TARBP1: variants seen among roughly 807,000 people sequenced by gnomAD.
The protein encoded by TARBP1 is tRNA guanosine 2 -O-methyltransferase TARBP1.
In TARBP1, 144 loss-of-function variants were observed where a neutral mutation model predicts 178.6. That is an observed-to-expected ratio of 0.81 (90% CI 0.70 to 0.93). TARBP1 has a LOEUF of 0.93. Among genes scored for constraint, TARBP1 ranks in the 40% least tolerant of loss-of-function variants. TARBP1 has a pLI of 0.00. For synonymous variants in TARBP1, 787 were observed against 781.0 expected (o/e 1.01, Z -0.13); for missense variants, 2,067 against 2,011.7 (o/e 1.03, Z -0.53).
Position 234,479,024 on chromosome 1 carries a change from T to C in TARBP1, c.80A>G (p.Glu27Gly). ...RALLGALCQG[E>G]ASAERVETLR... ...CGTCTCCACGCGCTCCGCGGATGCC[T>C]CCCCTTGGCACAGCGCCCCAAGCAG... is the stretch of plus-strand genomic sequence containing the variant. Residue 27 changes from glutamate (E) to glycine (G), a missense_variant, in exon 1 of 30, where the codon GAG becomes GGG. By Grantham distance (98) the Glu-to-Gly change is moderately conservative. Coordinates refer to ENST00000040877, the MANE Select transcript of TARBP1 (RefSeq NM_005646.4). 1 of 1,527,346 alleles carries C rather than the reference T, an allele frequency of 6.5e-7. No homozygotes were observed. Among genetic ancestry groups the C allele is most frequent in the Admixed American group, 2.0e-5 (1 of 49,918 alleles). The allele number at this position is 1,527,346 out of a possible 1,614,324, so 94.6% of individuals were successfully genotyped here.
At chr1:234,467,852 G>A (rs1281538162) in intron 3 of TARBP1, among the ~76,000 whole-genome samples, 7 of 152,106 alleles carry the variant, frequency 4.6e-5, no homozygotes, top group Non-Finnish European at 7.4e-5. Flanking sequence ...GCTCACTGCA[G>A]CCTCAAACTC....
chr1:234,406,655 AT>A (rs1273435824), intron 23 of TARBP1: 1 of 152,372 alleles, frequency 6.6e-6, no homozygotes. Context: ...GAGGGGGAAA[AT>A]AATAAAACTG....
chr1:234,395,701 G>A (rs1470192645), intron 26 of TARBP1, among the ~76,000 whole-genome samples: 1 of 152,218 alleles, frequency 6.6e-6, no homozygotes, highest in Admixed American at 6.5e-5. Flanking sequence ...TACACAGGCG[G>A]TGGTTTCAAG....
chr1:234,413,404 G>A (rs1662069373), intron 22 of TARBP1, among the ~76,000 whole-genome samples: 1 of 152,188 alleles, frequency 6.6e-6, no homozygotes, highest in Admixed American at 6.5e-5. Context: ...AACCCGGGAG[G>A]CAGAGGTTGC....
Position 234,410,445 on chromosome 1 carries a change from C to CA in TARBP1, c.3791_3792insT (p.Lys1264AsnfsTer22), listed in dbSNP as rs1661686773. 6.9e-7 allele frequency: 1 copy of CA among 1,453,508 alleles called. No homozygotes were observed. The highest frequency in any genetic ancestry group is 1.4e-5 in the African/African-American group (1 of 70,648). The allele number at this position is 1,453,508 out of a possible 1,614,324, so 90.0% of individuals were successfully genotyped here. On this transcript the variant is annotated frameshift_variant and splice_region_variant, in exon 23 of 30. Coordinates refer to ENST00000040877, the MANE Select transcript of TARBP1 (RefSeq NM_005646.4). LOFTEE classifies it high-confidence loss of function. ...TTTAAATTCTTACAAACAAACTTACCTTTTCTGGAATATTTTGAGTAATAA... is the reference window on the plus strand; with the variant it reads ...TTTAAATTCTTACAAACAAACTTACCATTTTCTGGAATATTTTGAGTAATAA...
chr1:234,471,309 T>C (rs1558259788), intron 2 of TARBP1, 52 bp from the exon 3 acceptor site: 6 of 1,228,018 alleles, frequency 4.9e-6, no homozygotes, highest in African/African-American at 1.5e-5. Context: ...TCTTGAAAAA[T>C]GTCAGGCAAT....
rs368279161 is a variant in TARBP1, at chr1:234,450,385, A to G, written c.1861+43T>C. 1.1e-5 allele frequency: 17 copies of G among 1,490,330 alleles called. No individual in the cohort carries two copies. The African/African-American group carries it at 1.3e-4, about 11-fold the overall frequency. 92.3% of individuals were successfully genotyped at this position (1,490,330 alleles called of 1,614,324 possible). ...AAAACTAGTTAAAAGTTCTTTGAAA[A>G]TATTTTGGTTATATCAATCCATAAA... On this transcript the variant is annotated intron_variant, in intron 10 of 29. Coordinates refer to ENST00000040877, the MANE Select transcript of TARBP1 (RefSeq NM_005646.4).
At chr1:234,409,023 GAA>G (rs1572233630) in intron 23 of TARBP1, among the ~76,000 whole-genome samples, 1 of 152,282 alleles carries the variant, frequency 6.6e-6, no homozygotes, top group East Asian at 1.9e-4. Flanking sequence ...GAAGAAAATG[GAA>G]AGTCTTAAGT....
chr1:234,399,018 G>A (rs532244267), intron 25 of TARBP1, among the ~76,000 whole-genome samples: 10 of 152,296 alleles, frequency 6.6e-5, no homozygotes, highest in African/African-American at 2.2e-4. Flanking sequence ...GTTATGTGAC[G>A]TTAGGCAAGT....
At chr1:234,431,473 G>A (rs974121587) in intron 14 of TARBP1, among the ~76,000 whole-genome samples, 17 of 152,142 alleles carry the variant, frequency 1.1e-4, no homozygotes, top group South Asian at 2.1e-4. Context: ...ATTAATCATC[G>A]TCTTTATCAT....
intron 22 of TARBP1, among the ~76,000 whole-genome samples, chr1:234,417,244 A>G (rs923239966): frequency 7.2e-5 from 11 of 152,218 alleles, no homozygotes; most frequent in Admixed American, 5.9e-4. Context: ...AAAGGAAGAC[A>G]CTGGATGATA....
In TARBP1 at chr1:234,451,766, A is replaced by AAAAAAACAAAAAAAC. The variant is rs57636903; in HGVS notation, c.1723-1201_1723-1200insGTTTTTTTGTTTTTT. The stretch of plus-strand genomic sequence containing the variant: ...TCCGTCTCAAAAAAAAAAAAAAAAA[A>AAAAAAACAAAAAAAC]TGATGAATGACTGGATCATCGAAGT... On this transcript the variant is annotated intron_variant, in intron 9 of 29. Transcript: ENST00000040877. 1.1e-3 allele frequency among the ~76,000 whole-genome samples: 19 copies of AAAAAAACAAAAAAAC among 17,166 alleles called. 1 individual carries two copies. The South Asian group carries it at 0.019, about 17-fold the overall frequency. 11.3% of individuals were successfully genotyped at this position (17,166 alleles called of 152,430 possible).
At chr1:234,457,576 T>A in intron 9 of TARBP1, 91 bp downstream of exon 9, 1 of 799,976 alleles carries the variant, frequency 1.3e-6, no homozygotes, top group Non-Finnish European at 1.9e-6. Context: ...AAGCAATCAT[T>A]ATATTTTATA....
chr1:234,405,024 A>G (rs1307337059), intron 24 of TARBP1, among the ~76,000 whole-genome samples: 1 of 152,150 alleles, frequency 6.6e-6, no homozygotes, highest in Non-Finnish European at 1.5e-5. Flanking sequence ...TATTTGTACC[A>G]TGTACAAATA....
At chr1:234,462,984 C>T (rs1452906208) in intron 6 of TARBP1, among the ~76,000 whole-genome samples, 1 of 152,222 alleles carries the variant, frequency 6.6e-6, no homozygotes, top group Non-Finnish European at 1.5e-5. Context: ...CAGAGTAGGT[C>T]CTGCTGCTGC....
rs754678511 is a variant in TARBP1, at chr1:234,448,525, A to T, written c.1916T>A (p.Met639Lys). 17 of 1,614,118 alleles carry T rather than the reference A, an allele frequency of 1.1e-5. No individual in the cohort carries two copies. The highest frequency in any genetic ancestry group is 1.3e-5 in the Non-Finnish European group (15 of 1,180,016). Reference sequence around the variant, plus strand: ...TTCCACATCCACAGCCAGCAAGACCATCAGAGAAACAAGCTTGGCTTCAAA... The same window carrying T: ...TTCCACATCCACAGCCAGCAAGACCTTCAGAGAAACAAGCTTGGCTTCAAA... ...DWFEAKLVSL[M>K]VLLAVDVEGM... The change falls in exon 11 of 30, where the codon ATG becomes AAG. Residue 639 changes from methionine to lysine, a missense_variant. Coordinates refer to ENST00000040877, the MANE Select transcript of TARBP1 (RefSeq NM_005646.4).
intron 17 of TARBP1, among the ~76,000 whole-genome samples, chr1:234,428,384 GCCTGA>G (rs1664016377): frequency 1.3e-5 from 2 of 152,044 alleles, no homozygotes; most frequent in Non-Finnish European, 1.5e-5. Context: ...GACAAATGGC[GCCTGA>G]CATTTGCCTT....
At chr1:234,453,271 G>A (rs866988458) in intron 9 of TARBP1, among the ~76,000 whole-genome samples, 1 of 151,114 alleles carries the variant, frequency 6.6e-6, no homozygotes, top group Non-Finnish European at 1.5e-5. Context: ...GAAACTGTGT[G>A]TAGGGACAGG....
rs1461782020 is a variant in TARBP1, at chr1:234,475,917, G to A, written c.931+2256C>T. ...ACTGAAAACAAATACAGCAACCAAC[G>A]CCAAACCCAGCTCAACTACAAACTA... On this transcript the variant is annotated intron_variant, in intron 1 of 29. Transcript: ENST00000040877. Among the ~76,000 whole-genome samples the A allele has an allele frequency of 2.0e-5, 3 of 151,860 alleles. No homozygotes were observed. In the East Asian group the frequency reaches 5.8e-4, roughly 29 times the overall value.
Sources: gnomAD v4.1 joint callset for allele counts (sites outside exome capture counted in the v4.1 genomes callset) on GRCh38, gnomAD v4.1.1 for gene constraint, MANE v1.5 for transcripts, NCBI Gene and HGNC (gene_info 2026-07-23, HGNC 2026-07-21) for gene names.